SLC9C1: variants seen among roughly 807,000 people sequenced by gnomAD.
SLC9C1 encodes the protein solute carrier family 9 member C1, also known as sodium/hydrogen exchanger 10.
SLC9C1 carries 97 observed loss-of-function variants against 140.9 expected under a neutral mutation model. The ratio of observed to expected loss-of-function variants is 0.69; its 90% CI spans 0.58 to 0.82. SLC9C1 has a LOEUF of 0.82. Ranked by LOEUF, SLC9C1 falls within the 40% of genes least tolerant of loss-of-function variation. The pLI, the probability that SLC9C1 is intolerant of heterozygous loss-of-function variation, is 0.00. For missense variants in SLC9C1, 1,340 were observed against 1,389.3 expected, an observed-to-expected ratio of 0.96 and a Z score of 0.56; for synonymous variants, 440 against 442.6, an observed-to-expected ratio of 0.99 and a Z score of 0.07.
intron 7 of SLC9C1, among the ~76,000 whole-genome samples, chr3:112,268,951 T>C (rs199780833): frequency 2.0e-5 from 3 of 152,302 alleles, no homozygotes; most frequent in East Asian, 3.9e-4. Context: ...TAATTATCAA[T>C]AGCTACCATA....
intron 28 of SLC9C1, among the ~76,000 whole-genome samples, chr3:112,150,069 C>G (rs567478277): frequency 6.6e-6 from 1 of 152,250 alleles, no homozygotes; most frequent in East Asian, 1.9e-4. Context: ...CCCAGACTTG[C>G]AATGGGAAAA....
At position 112,222,240 on chromosome 3, in the gene SLC9C1, C is replaced by A. The variant is rs9288941; in HGVS notation, c.1573-1015G>T. ...TCGCGAAAGCTTAGCAACACAAATA[C>A]CAAAGCAATTAGATACTAGAAGATG... On this transcript the variant is annotated intron_variant, in intron 13 of 28. Transcript: ENST00000305815. Among the ~76,000 whole-genome samples, 1,509 of 152,148 alleles carry A rather than the reference C, an allele frequency of 9.9e-3. 25 individuals are homozygous for A. Among genetic ancestry groups the A allele is most frequent in the African/African-American group, 0.034 (1,407 of 41,492 alleles).
chr3:112,249,001 G>C lies in SLC9C1; in HGVS notation c.1198-4925C>G, dbSNP rs573600855. ...CAGAACTGTGTTGAACAGGAATGGT[G>C]AAAATGGGCATCCTTGTTTTGTTCC... On this transcript the variant is annotated intron_variant, in intron 10 of 28. Coordinates refer to ENST00000305815, the MANE Select transcript of SLC9C1 (RefSeq NM_183061.3). 4.6e-5 allele frequency among the ~76,000 whole-genome samples: 7 copies of C among 152,236 alleles called. No individual in the cohort carries two copies. The South Asian group carries it at 8.3e-4, about 18-fold the overall frequency.
chr3:112,167,664 A>G (rs1257618159), intron 25 of SLC9C1, among the ~76,000 whole-genome samples: 1 of 152,036 alleles, frequency 6.6e-6, no homozygotes, highest in Non-Finnish European at 1.5e-5. Flanking sequence ...TTTAATGAAA[A>G]GAGTATTTCA....
chr3:112,192,468 A>G (rs952733813), intron 20 of SLC9C1, among the ~76,000 whole-genome samples: 2 of 152,204 alleles, frequency 1.3e-5, no homozygotes, highest in Admixed American at 6.5e-5. Flanking sequence ...CATTGTATGT[A>G]TATACCACAT....
chr3:112,144,150 C>T (rs1376233217), intron 28 of SLC9C1, among the ~76,000 whole-genome samples: 8 of 148,014 alleles, frequency 5.4e-5, no homozygotes, highest in Admixed American at 5.4e-4. Context: ...GATTACTATG[C>T]CTTATAGTAT....
chr3:112,217,172 A>G (rs2078401424), intron 15 of SLC9C1, among the ~76,000 whole-genome samples: 1 of 151,996 alleles, frequency 6.6e-6, no homozygotes, highest in Admixed American at 6.5e-5. Flanking sequence ...ACTTGGACAC[A>G]TGGTGGGGAA....
At position 112,264,259 on chromosome 3, in the gene SLC9C1, A is replaced by G. The variant is rs745517000; in HGVS notation, c.963T>C (p.Tyr321=). ...GLLIPAHTYL[Y]IEFVDIYYSL... ...AATAGTATATATCAACAAATTCTAT[A>G]TACAAATATGTATGTGCAGGAATTA... Residue 321 remains tyrosine (Y), a synonymous_variant, in exon 9 of 29, where the codon TAT becomes TAC. Coordinates refer to ENST00000305815, the MANE Select transcript of SLC9C1 (RefSeq NM_183061.3). The G allele has an allele frequency of 2.8e-6, 4 of 1,408,362 alleles. No individual in the cohort carries two copies. Among genetic ancestry groups the G allele is most frequent in the Non-Finnish European group, 3.8e-6 (4 of 1,058,738 alleles). The allele number at this position is 1,408,362 out of a possible 1,614,324, so 87.2% of individuals were successfully genotyped here. A position where few individuals can be genotyped will look rare whatever the true frequency, so the allele number is the denominator to read the frequency against.
At chr3:112,170,946 G>A (rs2107925174) in intron 23 of SLC9C1, among the ~76,000 whole-genome samples, 1 of 152,342 alleles carries the variant, frequency 6.6e-6, no homozygotes, top group Admixed American at 6.5e-5. Context: ...GGGCGTGGTG[G>A]CTCATGCCTG....
Position 112,202,271 on chromosome 3 carries a change from T to G in SLC9C1, c.2301A>C (p.Thr767=). The G allele has an allele frequency of 6.2e-7, 1 of 1,611,078 alleles. No individual in the cohort carries two copies. The highest frequency in any genetic ancestry group is 8.5e-7 in the Non-Finnish European group (1 of 1,178,766). Residue 767 remains threonine (T), a synonymous_variant, in exon 18 of 29, where the codon ACA becomes ACC. Transcript: ENST00000305815. ...TTACCTGTTTAATCTGTTTAGAACT[T>G]GTAATCTGATCAATTATGGTCATTA... ...ADIMTIIDQI[T]SSKQIKQMLL...
intron 10 of SLC9C1, among the ~76,000 whole-genome samples, chr3:112,258,330 C>T (rs1050464501): frequency 2.0e-5 from 3 of 152,158 alleles, no homozygotes; most frequent in Non-Finnish European, 4.4e-5. Flanking sequence ...AGAAAATGTA[C>T]ATATACACCA....
intron 13 of SLC9C1, among the ~76,000 whole-genome samples, chr3:112,229,984 G>T (rs1461134782): frequency 1.3e-5 from 2 of 152,018 alleles, no homozygotes; most frequent in South Asian, 2.1e-4. Flanking sequence ...CTTTTGGTTA[G>T]TCTACCTCAT....
Position 112,151,893 on chromosome 3 carries a change from C to T in SLC9C1, c.3488G>A (p.Cys1163Tyr). 1 of 1,611,276 alleles carries T rather than the reference C, an allele frequency of 6.2e-7. No individual in the cohort carries two copies. The highest frequency in any genetic ancestry group is 8.5e-7 in the Non-Finnish European group (1 of 1,179,224). ...PCSLLGTKFNCKESPRINLRK... is the reference protein window; with the variant it reads ...PCSLLGTKFNYKESPRINLRK... ...TAGGTTTATTCTAGGGGACTCCTTA[C>T]AGTTGAACTTTGTCCCCAGCAGGGA... is the stretch of plus-strand genomic sequence containing the variant. The change falls in exon 28 of 29, where the codon TGT becomes TAT. Residue 1163 changes from cysteine to tyrosine, a missense_variant. By Grantham distance (194) the Cys-to-Tyr change is radical (BLOSUM62 -2). Coordinates refer to ENST00000305815, the MANE Select transcript of SLC9C1 (RefSeq NM_183061.3).
intron 3 of SLC9C1, among the ~76,000 whole-genome samples, chr3:112,280,435 A>G (rs1407579377): frequency 1.6e-5 from 2 of 128,652 alleles, no homozygotes; most frequent in East Asian, 2.5e-4. Flanking sequence ...ACTTTTATGT[A>G]TGTACTCAGT....
chr3:112,245,710 T>C (rs375344217), intron 10 of SLC9C1, among the ~76,000 whole-genome samples: 3 of 152,290 alleles, frequency 2.0e-5, no homozygotes, highest in African/African-American at 7.2e-5. Flanking sequence ...TTTTCTGTAT[T>C]TCTATATGGA....
At chr3:112,281,978 G>GA (rs2080369751) in intron 2 of SLC9C1, among the ~76,000 whole-genome samples, 1 of 152,158 alleles carries the variant, frequency 6.6e-6, no homozygotes, top group Non-Finnish European at 1.5e-5. Flanking sequence ...CAGATTGTGA[G>GA]AAAAAAACTA....
chr3:112,289,400 C>T (rs2080612184), intron 1 of SLC9C1, among the ~76,000 whole-genome samples: 1 of 152,100 alleles, frequency 6.6e-6, no homozygotes, highest in Non-Finnish European at 1.5e-5. Context: ...AGGACAATTC[C>T]GTGATTGAGT....
chr3:112,234,360 G>T (rs1453730408), intron 12 of SLC9C1, among the ~76,000 whole-genome samples: 1 of 152,138 alleles, frequency 6.6e-6, no homozygotes, highest in African/African-American at 2.4e-5. Context: ...TGAGTTCATT[G>T]TAGATTCTGG....
chr3:112,214,702 T>C (rs2078306595), intron 15 of SLC9C1, among the ~76,000 whole-genome samples: 1 of 152,130 alleles, frequency 6.6e-6, no homozygotes, highest in South Asian at 2.1e-4. Context: ...GGCTCTGAAA[T>C]TGAGGAAACA....
Sources: gnomAD v4.1 joint callset for allele counts (sites outside exome capture counted in the v4.1 genomes callset) on GRCh38, gnomAD v4.1.1 for gene constraint, MANE v1.5 for transcripts, NCBI Gene and HGNC (gene_info 2026-07-23, HGNC 2026-07-21) for gene names.